Variants in CNTNAP2 observed in about 807,000 individuals in gnomAD.
CNTNAP2 encodes contactin-associated protein-like 2.
CNTNAP2 carries 98 observed loss-of-function variants against 155.2 expected under a neutral mutation model. That is an observed-to-expected ratio of 0.63 (90% confidence interval 0.54 to 0.75). The LOEUF (loss-of-function observed/expected upper bound fraction) is 0.75, where lower values mean the gene tolerates loss of function less well. Ranked by LOEUF, CNTNAP2 falls within the 30% of genes least tolerant of loss-of-function variation. The probability of loss-of-function intolerance (pLI) is 0.00; values close to 1 mark genes in which losing one functional copy is unlikely to be tolerated. For missense variants in CNTNAP2, 1,727 were observed against 1,688.1 expected (o/e 1.02, Z -0.40); for synonymous variants, 651 against 631.2 (o/e 1.03, Z -0.47).
intron 20 of CNTNAP2, among the ~76,000 whole-genome samples, chr7:148,256,762 T>A (rs1034405754): frequency 2.6e-5 from 4 of 152,136 alleles, no homozygotes; most frequent in African/African-American, 9.7e-5. Flanking sequence ...TTTTTCTTTC[T>A]TGCTCTTGGA....
rs10603520 is a variant in CNTNAP2, at chr7:148,339,974, A to AGTGTGTGTGTGT, written c.3476-43650_3476-43639dup. Among the ~76,000 whole-genome samples, 1,195 of 144,864 alleles carry AGTGTGTGTGTGT rather than the reference A, an allele frequency of 8.2e-3. 9 individuals are homozygous for AGTGTGTGTGTGT. Among genetic ancestry groups the AGTGTGTGTGTGT allele is most frequent in the African/African-American group, 0.013 (499 of 38,970 alleles). ...AGAATCTGAGAGTGCTCCTTCGTGC[A>AGTGTGTGTGTGT]GTGTGTGTGTGTGTGTGTGTGTGTG... On this transcript the variant is annotated intron_variant, in intron 21 of 23. Coordinates refer to ENST00000361727, the MANE Select transcript of CNTNAP2 (RefSeq NM_014141.6).
intron 12 of CNTNAP2, among the ~76,000 whole-genome samples, chr7:147,585,462 G>A (rs1408681947): frequency 6.7e-6 from 1 of 148,778 alleles, no homozygotes; most frequent in African/African-American, 2.5e-5. Flanking sequence ...TTATATATGT[G>A]TAAATAATAT....
At chr7:146,724,380 A>G (rs1264072735) in intron 1 of CNTNAP2, among the ~76,000 whole-genome samples, 2 of 151,880 alleles carry the variant, frequency 1.3e-5, no homozygotes, top group East Asian at 3.9e-4. Flanking sequence ...ATTTTGAATG[A>G]GGATACAAGA....
intron 8 of CNTNAP2, among the ~76,000 whole-genome samples, chr7:147,220,266 T>A (rs1036230059): frequency 6.0e-4 from 91 of 152,188 alleles, no homozygotes; most frequent in Non-Finnish European, 1.0e-4. Flanking sequence ...CTTTGAAACC[T>A]ACTCTGTCTG....
At chr7:146,183,505 G>C (rs1381046721) in intron 1 of CNTNAP2, among the ~76,000 whole-genome samples, 1 of 151,742 alleles carries the variant, frequency 6.6e-6, no homozygotes, top group East Asian at 1.9e-4. Context: ...TCAGTAAAAG[G>C]CCATCCAACT....
chr7:147,790,216 C>T (rs755593066), intron 13 of CNTNAP2, among the ~76,000 whole-genome samples: 2 of 152,086 alleles, frequency 1.3e-5, no homozygotes, highest in Non-Finnish European at 2.9e-5. Flanking sequence ...GTCAGAAAGT[C>T]CACCACCCAC....
chr7:147,876,882 C>T (rs147051287), intron 13 of CNTNAP2, among the ~76,000 whole-genome samples: 138 of 152,006 alleles, frequency 9.1e-4, no homozygotes, highest in African/African-American at 3.0e-3. Context: ...TGGGGAACTA[C>T]GGGGCATCCT....
intron 11 of CNTNAP2, among the ~76,000 whole-genome samples, chr7:147,551,869 C>T (rs1220755647): frequency 6.6e-6 from 1 of 152,160 alleles, no homozygotes; most frequent in Non-Finnish European, 1.5e-5. Context: ...TTCATTACTA[C>T]ATCAATACTT....
At chr7:147,559,117 C>T (rs1031687309) in intron 11 of CNTNAP2, among the ~76,000 whole-genome samples, 16 of 152,282 alleles carry the variant, frequency 1.1e-4, no homozygotes, top group African/African-American at 3.9e-4. Flanking sequence ...TCCAAGCATT[C>T]CTCCCACCTA....
In CNTNAP2 at chr7:147,516,848, C is replaced by CTTTT. The variant is rs1221666617; in HGVS notation, c.1777+30822_1777+30825dup. ...AAAATGTAATTAATTTCTTTCTTTT[C>CTTTT]TTTTTTTTTTTTTTTTTTGCGTGTG... is the stretch of plus-strand genomic sequence containing the variant. On this transcript the variant is annotated intron_variant, in intron 11 of 23. Coordinates refer to ENST00000361727, the MANE Select transcript of CNTNAP2 (RefSeq NM_014141.6). 1.1e-3 allele frequency among the ~76,000 whole-genome samples: 124 copies of CTTTT among 112,614 alleles called. 4 individuals carry two copies. The highest frequency in any genetic ancestry group is 3.8e-3 in the African/African-American group (110 of 29,178). The allele number at this position is 112,614 out of a possible 152,430, so 73.9% of individuals were successfully genotyped here. A position where few individuals can be genotyped will look rare whatever the true frequency, so the allele number is the denominator to read the frequency against.
At chr7:146,800,874 G>A (rs1319277954) in intron 2 of CNTNAP2, among the ~76,000 whole-genome samples, 1 of 152,010 alleles carries the variant, frequency 6.6e-6, no homozygotes, top group Non-Finnish European at 1.5e-5. Context: ...AAGGTGTCAG[G>A]AGTAGAGAAT....
At chr7:147,904,442 G>C (rs1799924876) in intron 14 of CNTNAP2, among the ~76,000 whole-genome samples, 1 of 152,188 alleles carries the variant, frequency 6.6e-6, no homozygotes, top group Non-Finnish European at 1.5e-5. Flanking sequence ...ATAAACCTAA[G>C]TGTGATTCTT....
At chr7:147,130,670 T>G (rs967199109) in intron 7 of CNTNAP2, among the ~76,000 whole-genome samples, 4 of 152,106 alleles carry the variant, frequency 2.6e-5, no homozygotes, top group African/African-American at 9.7e-5. Flanking sequence ...ATATAAGAAA[T>G]GTACTTTCAA....
intron 5 of CNTNAP2, among the ~76,000 whole-genome samples, chr7:147,119,559 T>C (rs1292173157): frequency 6.6e-6 from 1 of 152,184 alleles, no homozygotes; most frequent in African/African-American, 2.4e-5. Context: ...CTTCCTCCTC[T>C]TGTCCCTCTC....
chr7:147,781,917 G>A (rs1220977035), intron 13 of CNTNAP2, among the ~76,000 whole-genome samples: 1 of 152,060 alleles, frequency 6.6e-6, no homozygotes, highest in Non-Finnish European at 1.5e-5. Context: ...CAGCTACTCG[G>A]GAGGCTGAGG....
intron 11 of CNTNAP2, among the ~76,000 whole-genome samples, chr7:147,555,439 G>A (rs960330016): frequency 6.8e-4 from 103 of 152,268 alleles, no homozygotes; most frequent in African/African-American, 2.4e-3. Context: ...TATATAGTAA[G>A]CATGTGATCG....
intron 1 of CNTNAP2, among the ~76,000 whole-genome samples, chr7:146,221,601 G>A (rs961364827): frequency 6.6e-6 from 1 of 152,056 alleles, no homozygotes; most frequent in African/African-American, 2.4e-5. Flanking sequence ...ATCAGATAAA[G>A]AGTCCGATAT....
chr7:147,774,870 G>C (rs1405406247), intron 13 of CNTNAP2, among the ~76,000 whole-genome samples: 1 of 152,010 alleles, frequency 6.6e-6, no homozygotes, highest in Non-Finnish European at 1.5e-5. Context: ...TTACTTAAAG[G>C]ATAAGAAAAC....
chr7:147,913,896 T>A (rs1800112134), intron 14 of CNTNAP2, among the ~76,000 whole-genome samples: 1 of 152,174 alleles, frequency 6.6e-6, no homozygotes, highest in Admixed American at 6.5e-5. Context: ...TACAACTGGG[T>A]AGGAATGTAT....
Sources: gnomAD v4.1 joint callset for allele counts (sites outside exome capture counted in the v4.1 genomes callset) on GRCh38, gnomAD v4.1.1 for gene constraint, MANE v1.5 for transcripts, NCBI Gene and HGNC (gene_info 2026-07-23, HGNC 2026-07-21) for gene names.